PLD5: variants seen among roughly 807,000 people sequenced by gnomAD.
PLD5 encodes inactive phospholipase D5.
Under a neutral mutation model 61.1 loss-of-function variants are expected in PLD5, and 36 were observed. The ratio of observed to expected loss-of-function variants is 0.59; its 90% CI spans 0.45 to 0.78. The LOEUF is 0.78. Ranked by LOEUF, PLD5 falls within the 30% of genes least tolerant of loss-of-function variation. PLD5 has a pLI of 0.00. For missense variants in PLD5, 515 were observed against 644.4 expected (o/e 0.80, Z 2.17); for synonymous variants, 243 against 242.8 (o/e 1.00, Z -0.01).
At chr1:242,478,104 C>A (rs1249248413) in intron 1 of PLD5, among the ~76,000 whole-genome samples, 3 of 152,168 alleles carry the variant, frequency 2.0e-5, no homozygotes, top group Admixed American at 2.0e-4. Flanking sequence ...TATAAAATAG[C>A]CCTTGTAGAA....
intron 3 of PLD5, among the ~76,000 whole-genome samples, chr1:242,266,065 A>G (rs1476841396): frequency 6.6e-6 from 1 of 152,226 alleles, no homozygotes; most frequent in Non-Finnish European, 1.5e-5. Context: ...AAGTGAAATA[A>G]AAAACAAAAT....
chr1:242,298,347 T>TTGTTG (rs1675833763), intron 2 of PLD5, among the ~76,000 whole-genome samples: 1 of 152,224 alleles, frequency 6.6e-6, no homozygotes, highest in Non-Finnish European at 1.5e-5. Context: ...TGCTTACAGT[T>TTGTTG]TTAAAAGTAC....
At chr1:242,118,660 T>A (rs1004631117) in intron 6 of PLD5, among the ~76,000 whole-genome samples, 1 of 152,208 alleles carries the variant, frequency 6.6e-6, no homozygotes, top group East Asian at 1.9e-4. Flanking sequence ...TGTCAACAGA[T>A]GTTTATAAGC....
intron 5 of PLD5, among the ~76,000 whole-genome samples, chr1:242,158,059 G>C (rs1322420571): frequency 1.3e-5 from 2 of 152,186 alleles, no homozygotes; most frequent in East Asian, 3.9e-4. Context: ...AGCTCTGGTG[G>C]GCTCCGCCCA....
In PLD5 at chr1:242,199,618, A is replaced by G. The variant is rs111280887; in HGVS notation, c.735+20370T>C. On this transcript the variant is annotated intron_variant, in intron 5 of 9. Coordinates refer to ENST00000536534, the MANE Select transcript of PLD5 (RefSeq NM_001372062.1). ...GTGGTGAAATCACGGCCTTCAGTGT[A>G]TCCACTGAAGGAACATGCAATGTAC... Among the ~76,000 whole-genome samples the G allele has an allele frequency of 3.4e-3, 517 of 152,242 alleles. 7 individuals carry two copies. Among genetic ancestry groups the G allele is most frequent in the African/African-American group, 0.011 (458 of 41,544 alleles).
intron 4 of PLD5, among the ~76,000 whole-genome samples, chr1:242,248,084 A>C (rs1672491825): frequency 6.6e-6 from 1 of 152,220 alleles, no homozygotes; most frequent in Non-Finnish European, 1.5e-5. Context: ...AACTACTGTT[A>C]TCTTTTGTTC....
intron 2 of PLD5, among the ~76,000 whole-genome samples, chr1:242,340,965 C>T (rs1039635044): frequency 6.6e-6 from 1 of 151,744 alleles, no homozygotes; most frequent in Non-Finnish European, 1.5e-5. Context: ...TACCCTTGGA[C>T]GACAATATAA....
chr1:242,487,862 T>A (rs1209080154), intron 1 of PLD5, among the ~76,000 whole-genome samples: 2 of 152,200 alleles, frequency 1.3e-5, no homozygotes, highest in Non-Finnish European at 2.9e-5. Context: ...GTATATCATT[T>A]TGTAGGTTGT....
chr1:242,424,965 G>A (rs1572124739), intron 1 of PLD5, among the ~76,000 whole-genome samples: 1 of 152,110 alleles, frequency 6.6e-6, no homozygotes, highest in Non-Finnish European at 1.5e-5. Context: ...AACCTCGTCT[G>A]TACTAAAAAT....
rs1453436315 is a variant in PLD5 at position 242,085,047 on chromosome 1, C to T, written c.*4807G>A. ...GGTTTGATAATTTTAATGATTCCCC[C>T]AAATTCAACCCTTTATCAAACCCAT... On this transcript the variant is annotated 3_prime_UTR_variant, in exon 10 of 10. Coordinates refer to ENST00000536534, the MANE Select transcript of PLD5 (RefSeq NM_001372062.1). 6.6e-6 allele frequency: 1 copy of T among 152,006 alleles called. No homozygotes were observed. Among genetic ancestry groups the T allele is most frequent in the Non-Finnish European group, 1.5e-5 (1 of 68,016 alleles). 9.4% of individuals were successfully genotyped at this position (152,006 alleles called of 1,614,324 possible).
chr1:242,496,678 G>C (rs145434946), intron 1 of PLD5, among the ~76,000 whole-genome samples: 1 of 152,064 alleles, frequency 6.6e-6, no homozygotes, highest in South Asian at 2.1e-4. Flanking sequence ...TATACAATTG[G>C]TGTCTTTAGG....
chr1:242,276,878 G>T (rs150671297), intron 3 of PLD5, among the ~76,000 whole-genome samples: 21 of 152,046 alleles, frequency 1.4e-4, no homozygotes, highest in Admixed American at 6.6e-4. Context: ...CATCATCAAG[G>T]CCTTGCTTAA....
chr1:242,436,841 A>G (rs1666018796), intron 1 of PLD5, among the ~76,000 whole-genome samples: 1 of 152,232 alleles, frequency 6.6e-6, no homozygotes, highest in Admixed American at 6.5e-5. Context: ...CCACGTAAGC[A>G]AATATTTCTA....
intron 1 of PLD5, among the ~76,000 whole-genome samples, chr1:242,462,512 G>T (rs922546904): frequency 6.6e-6 from 1 of 151,526 alleles, no homozygotes; most frequent in Non-Finnish European, 1.5e-5. Flanking sequence ...AACTACTTAT[G>T]CTCACCGCCT....
chr1:242,440,504 CTGA>C (rs1666222771), intron 1 of PLD5, among the ~76,000 whole-genome samples: 1 of 152,218 alleles, frequency 6.6e-6, no homozygotes, highest in Non-Finnish European at 1.5e-5. Context: ...GTATTGAAAA[CTGA>C]TCGGGTATAG....
At chr1:242,127,874 A>C (rs1662923925) in intron 5 of PLD5, among the ~76,000 whole-genome samples, 1 of 152,212 alleles carries the variant, frequency 6.6e-6, no homozygotes, top group South Asian at 2.1e-4. Context: ...CCACGAAAGC[A>C]GATATCAAGG....
chr1:242,348,773 G>A (rs1372646277), intron 1 of PLD5, among the ~76,000 whole-genome samples: 1 of 152,162 alleles, frequency 6.6e-6, no homozygotes, highest in African/African-American at 2.4e-5. Context: ...TCAATCAATA[G>A]GCCGGGCGCG....
At chr1:242,345,928 T>A (rs888886850) in intron 2 of PLD5, among the ~76,000 whole-genome samples, 1 of 151,038 alleles carries the variant, frequency 6.6e-6, no homozygotes, top group Non-Finnish European at 1.5e-5. Context: ...TTGTAATGTC[T>A]GAGAATGCAG....
chr1:242,233,332 G>T (rs554590331), intron 4 of PLD5, among the ~76,000 whole-genome samples: 1 of 152,340 alleles, frequency 6.6e-6, no homozygotes, highest in East Asian at 1.9e-4. Flanking sequence ...CAGCTACCAA[G>T]TAAGGTGAGA....
Sources: gnomAD v4.1 joint callset for allele counts (sites outside exome capture counted in the v4.1 genomes callset) on GRCh38, gnomAD v4.1.1 for gene constraint, MANE v1.5 for transcripts, NCBI Gene and HGNC (gene_info 2026-07-23, HGNC 2026-07-21) for gene names.